Variants in CORO6 observed in about 807,000 individuals in gnomAD.
CORO6 encodes coronin-6.
A neutral mutation model predicts 49.0 loss-of-function variants in CORO6; 43 were observed. That is an observed-to-expected ratio of 0.88 (90% CI 0.69 to 1.13). The LOEUF (loss-of-function observed/expected upper bound fraction) is 1.13. Among genes scored for constraint, CORO6 ranks in the 50% most tolerant of loss-of-function variants. CORO6 has a pLI of 0.00. For missense variants in CORO6, 650 were observed against 647.0 expected (o/e 1.00, Z -0.05); for synonymous variants, 233 against 256.5 (o/e 0.91, Z 0.88).
At position 29,621,254 on chromosome 17, in the gene CORO6, C is replaced by G. The variant is rs1282033531; in HGVS notation, c.168G>C (p.Gly56=). The part of the protein sequence containing the change: ...FLAIIVEAGG[G]GAFIVLPLAK... ...CCAGAGGCAGGACGATGAAGGCACC[C>G]CCGCCTCCAGCCTCCACAATAATGG... The change falls in exon 2 of 11, where the codon GGG becomes GGC. Residue 56 remains glycine, a synonymous_variant. Coordinates refer to ENST00000388767, the MANE Select transcript of CORO6 (RefSeq NM_032854.4). The surrounding 1 kb of genome is among the most constrained non-coding windows in gnomAD (Gnocchi z 4.2). 1.2e-6 allele frequency: 2 copies of G among 1,614,026 alleles called. No individual in the cohort carries two copies. The highest frequency in any genetic ancestry group is 1.1e-5 in the South Asian group (1 of 91,086).
rs1457054425 is a variant in CORO6, at chr17:29,617,037, G to A, written c.759C>T (p.Asn253=). 1.2e-6 allele frequency: 2 copies of A among 1,613,474 alleles called. No homozygotes were observed. Among genetic ancestry groups the A allele is most frequent in the Non-Finnish European group, 1.7e-6 (2 of 1,179,982 alleles). Residue 253 remains asparagine (N), a synonymous_variant, in exon 7 of 11, where the codon AAC becomes AAT. Coordinates refer to ENST00000388767, the MANE Select transcript of CORO6 (RefSeq NM_032854.4). ...CCTGCAGTGCCACTGGCTCCTCGAA[G>A]TTGTTCTGCCCGAGCACAGGAGGCG... ...QRELGLWDPN[N]FEEPVALQEM...
intron 3 of CORO6, 61 bp from the exon 4 acceptor site, chr17:29,619,250 C>A: frequency 6.3e-7 from 1 of 1,582,202 alleles, no homozygotes; most frequent in Non-Finnish European, 8.6e-7. Context: ...CCCTCCACTC[C>A]TTCCCTACCT....
intron 5 of CORO6, chr17:29,618,465 G>A: frequency 7.7e-7 from 1 of 1,290,466 alleles, no homozygotes; most frequent in Non-Finnish European, 9.8e-7. Flanking sequence ...GAGGGGTCCA[G>A]GAGCTCAGGT....
In CORO6 at chr17:29,621,271, C is replaced by A. The variant is rs763109169; in HGVS notation, c.151G>T (p.Val51Leu). The A allele has an allele frequency of 2.5e-6, 4 of 1,614,194 alleles. No homozygotes were observed. The highest frequency in any genetic ancestry group is 3.4e-6 in the Non-Finnish European group (4 of 1,180,032). Residue 51 changes from valine (V) to leucine (L), a missense_variant, in exon 2 of 11, where the codon GTG (valine) becomes TTG (leucine). Coordinates refer to ENST00000388767, the MANE Select transcript of CORO6 (RefSeq NM_032854.4). The surrounding 1 kb of genome is among the most constrained non-coding windows in gnomAD (Gnocchi z 4.2). Reference protein sequence around the residue: ...AVNPKFLAIIVEAGGGGAFIV... With the variant: ...AVNPKFLAIILEAGGGGAFIV... ...AAGGCACCCCCGCCTCCAGCCTCCA[C>A]AATAATGGCCAGGAATTTGGGGTTG...
At chr17:29,617,428 T>C (rs2035030336) in intron 6 of CORO6, 72 bp downstream of exon 6, 1 of 1,552,806 alleles carries the variant, frequency 6.4e-7, no homozygotes, top group Admixed American at 1.8e-5. Context: ...GCCCTGCGGG[T>C]GGGGGGCGCC....
Position 29,616,840 on chromosome 17 carries a change from C to A in CORO6, c.866G>T (p.Ser289Ile). ...GGTAATCTCAAAGTACCGAATGCTG[C>A]TGTCGCCCTGCAAAATCAGTCGGTT... is the stretch of plus-strand genomic sequence containing the variant. ...SIVYLCGKGDSSIRYFEITDE... is the reference protein window; with the variant it reads ...SIVYLCGKGDISIRYFEITDE... The change falls in exon 8 of 11, where the codon AGC (serine) becomes ATC (isoleucine). Residue 289 changes from serine to isoleucine, a missense_variant. Ser to Ile is a moderately radical substitution (Grantham distance 142, BLOSUM62 -2). Coordinates refer to ENST00000388767, the MANE Select transcript of CORO6 (RefSeq NM_032854.4). This position sits in a 1 kb window ranked among gnomAD's most constrained non-coding sequence, Gnocchi z 5.6. 1 of 1,613,188 alleles carries A rather than the reference C, an allele frequency of 6.2e-7. No individual in the cohort carries two copies. Among genetic ancestry groups the A allele is most frequent in the African/African-American group, 1.3e-5 (1 of 75,026 alleles).
At chr17:29,619,627 C>A in intron 3 of CORO6, 24 bp downstream of exon 3, 1 of 1,611,176 alleles carries the variant, frequency 6.2e-7, no homozygotes. Context: ...CTCAACTGCC[C>A]AGCAGTAGCC....
chr17:29,618,073 T>C, intron 5 of CORO6: 2 of 1,500,730 alleles, frequency 1.3e-6, no homozygotes, highest in Non-Finnish European at 1.8e-6. Flanking sequence ...GAGTTGCCGC[T>C]CACTCATCCT....
chr17:29,620,760 G>A (rs1458689613), intron 2 of CORO6, among the ~76,000 whole-genome samples: 1 of 152,140 alleles, frequency 6.6e-6, no homozygotes, highest in Admixed American at 6.5e-5. Context: ...AGTGTCCTTG[G>A]AGGTAACCAG....
chr17:29,622,691 G>A lies in CORO6; in HGVS notation c.-67C>T, dbSNP rs1321621248. On this transcript the variant is annotated 5_prime_UTR_variant, in exon 1 of 11. Transcript: ENST00000388767. Reference sequence around the variant, plus strand: ...CCGGGTGTGGGGGGCTGGGTACCTGGTCCTGAGCGGGCTGCGGGGCGCTCA... The same window carrying A: ...CCGGGTGTGGGGGGCTGGGTACCTGATCCTGAGCGGGCTGCGGGGCGCTCA... 2 of 1,259,040 alleles carry A rather than the reference G, an allele frequency of 1.6e-6. No homozygotes were observed. Among genetic ancestry groups the A allele is most frequent in the Admixed American group, 5.1e-5 (2 of 38,948 alleles). The allele number at this position is 1,259,040 out of a possible 1,614,324, so 78.0% of individuals were successfully genotyped here.
intron 2 of CORO6, 28 bp from the exon 3 acceptor site, chr17:29,619,801 G>C: frequency 6.3e-7 from 1 of 1,596,106 alleles, no homozygotes; most frequent in Non-Finnish European, 8.6e-7. Flanking sequence ...AAGATGTGGG[G>C]CTACTCTCCT....
chr17:29,617,258 G>A, intron 6 of CORO6: 3 of 1,535,144 alleles, frequency 2.0e-6, no homozygotes, highest in Non-Finnish European at 2.6e-6. Flanking sequence ...CGCGCCGCAT[G>A]CAGTCACAGC....
Position 29,615,204 on chromosome 17 carries a change from T to G in CORO6, c.*528A>C, listed in dbSNP as rs1325404383. The stretch of plus-strand genomic sequence containing the variant: ...GACCGCTGTGGGTGTAGCCACTGGG[T>G]CCGGCTCTGCAGCAAACGGGTTGTG... On this transcript the variant is annotated 3_prime_UTR_variant, in exon 11 of 11. Transcript: ENST00000388767. 6.6e-6 allele frequency: 1 copy of G among 152,312 alleles called. No homozygotes were observed. The highest frequency in any genetic ancestry group is 1.5e-5 in the Non-Finnish European group (1 of 68,124). 9.4% of individuals were successfully genotyped at this position (152,312 alleles called of 1,614,324 possible).
intron 5 of CORO6, chr17:29,618,177 G>T (rs2035102058): frequency 1.5e-6 from 2 of 1,358,360 alleles, no homozygotes; most frequent in African/African-American, 3.1e-5. Context: ...CCTGCTCGCC[G>T]GGTTAGTGGG....
At chr17:29,620,676 AG>A (rs2035263235) in intron 2 of CORO6, among the ~76,000 whole-genome samples, 1 of 152,046 alleles carries the variant, frequency 6.6e-6, no homozygotes, top group Non-Finnish European at 1.5e-5. Context: ...CCCCATCCTG[AG>A]GGTAGGGAGG....
chr17:29,618,178 G>A (rs2035102227), intron 5 of CORO6: 1 of 1,358,720 alleles, frequency 7.4e-7, no homozygotes, highest in Non-Finnish European at 9.4e-7. Flanking sequence ...CTGCTCGCCG[G>A]GTTAGTGGGT....
intron 5 of CORO6, 67 bp downstream of exon 5, chr17:29,618,723 G>A: frequency 6.4e-7 from 1 of 1,558,792 alleles, no homozygotes; most frequent in Non-Finnish European, 8.7e-7. Flanking sequence ...ATAATGGTGG[G>A]TACAAGGGTG....
intron 5 of CORO6, 92 bp from the exon 6 acceptor site, chr17:29,617,711 T>C: frequency 7.3e-7 from 1 of 1,363,390 alleles, no homozygotes; most frequent in Non-Finnish European, 9.8e-7. Flanking sequence ...GACTTGGGTG[T>C]CCGGGGTGGA....
chr17:29,617,073 T>A, intron 6 of CORO6, 31 bp from the exon 7 acceptor site: 7 of 1,604,866 alleles, frequency 4.4e-6, no homozygotes, highest in Non-Finnish European at 6.0e-6. Flanking sequence ...TGACCAGCCC[T>A]GCCCCACCCT....
Sources: gnomAD v4.1 joint callset for allele counts (sites outside exome capture counted in the v4.1 genomes callset) on GRCh38, gnomAD v4.1.1 for gene constraint, Gnocchi (gnomAD v3.1) non-coding constraint, MANE v1.5 for transcripts, NCBI Gene and HGNC (gene_info 2026-07-23, HGNC 2026-07-21) for gene names.